Variants in MANBA observed in about 807,000 individuals in gnomAD.
The protein encoded by MANBA is mannosidase beta.
Under a neutral mutation model 111.1 loss-of-function variants are expected in MANBA, and 83 were observed. That is an observed-to-expected ratio of 0.75 (90% CI 0.63 to 0.90). The LOEUF is 0.90. Among genes scored for constraint, MANBA ranks in the 40% least tolerant of loss-of-function variants. The pLI, the probability that MANBA is intolerant of heterozygous loss-of-function variation, is 0.00. For synonymous variants in MANBA, 370 were observed against 378.7 expected, an observed-to-expected ratio of 0.98 and a Z score of 0.27; for missense variants, 1,036 against 1,069.0, an observed-to-expected ratio of 0.97 and a Z score of 0.43.
At chr4:102,724,698 C>T (rs1722727284) in intron 2 of MANBA, among the ~76,000 whole-genome samples, 1 of 152,174 alleles carries the variant, frequency 6.6e-6, no homozygotes, top group Admixed American at 6.5e-5. Flanking sequence ...TTACAGGAAA[C>T]TATAACAGTG....
intron 13 of MANBA, among the ~76,000 whole-genome samples, chr4:102,643,381 A>G (rs1020368997): frequency 2.6e-5 from 4 of 152,166 alleles, no homozygotes; most frequent in African/African-American, 9.7e-5. Context: ...TTGCATGAAC[A>G]TATGCTTTCA....
At chr4:102,675,367 C>G (rs1379317416) in intron 7 of MANBA, among the ~76,000 whole-genome samples, 1 of 152,218 alleles carries the variant, frequency 6.6e-6, no homozygotes, top group African/African-American at 2.4e-5. Flanking sequence ...GTGTATTCCA[C>G]TGTGATGTAG....
chr4:102,704,552 C>T (rs1227105305), intron 5 of MANBA, among the ~76,000 whole-genome samples: 1 of 151,900 alleles, frequency 6.6e-6, no homozygotes, highest in Non-Finnish European at 1.5e-5. Flanking sequence ...TTATATGTAC[C>T]TTTTTTTATT....
At chr4:102,652,543 T>G (rs1730380692) in intron 12 of MANBA, among the ~76,000 whole-genome samples, 2 of 152,180 alleles carry the variant, frequency 1.3e-5, no homozygotes. Context: ...AAAGTTCTAA[T>G]TACTTTAAGA....
chr4:102,751,374 C>A, intron 1 of MANBA: 1 of 390,606 alleles, frequency 2.6e-6, no homozygotes, highest in Non-Finnish European at 5.1e-6. Flanking sequence ...CTCTACTAAC[C>A]CAAAAGTCTT....
At chr4:102,747,352 A>C (rs1337443325) in intron 1 of MANBA, among the ~76,000 whole-genome samples, 2 of 152,116 alleles carry the variant, frequency 1.3e-5, no homozygotes, top group Non-Finnish European at 2.9e-5. Flanking sequence ...AGGATAAGCC[A>C]CTATAGTCTT....
chr4:102,681,803 T>C (rs1731989686), intron 7 of MANBA, among the ~76,000 whole-genome samples: 1 of 152,168 alleles, frequency 6.6e-6, no homozygotes, highest in Non-Finnish European at 1.5e-5. Flanking sequence ...GCTTTCAAAA[T>C]GACTGTATGA....
chr4:102,676,881 G>A (rs1731751455), intron 7 of MANBA, among the ~76,000 whole-genome samples: 1 of 152,054 alleles, frequency 6.6e-6, no homozygotes, highest in Admixed American at 6.6e-5. Flanking sequence ...ACTGCTAGTA[G>A]TCATTACATC....
chr4:102,664,706 G>A lies in MANBA; in HGVS notation c.1464C>T (p.Asn488=). Residue 488 remains asparagine, a synonymous_variant, in exon 11 of 17, where the codon AAC becomes AAT. Transcript: ENST00000647097. ...IKDYVTLYVK[N]IRELVLAGDK... is the part of the protein sequence containing the mutation. ...TTACTGCCAGTACGAGCTCTCTGAT[G>A]TTTTTCACATAGAGTGTCACATAGT... 6.2e-7 allele frequency: 1 copy of A among 1,613,080 alleles called. No homozygotes were observed. Among genetic ancestry groups the A allele is most frequent in the South Asian group, 1.1e-5 (1 of 91,066 alleles).
intron 2 of MANBA, among the ~76,000 whole-genome samples, chr4:102,724,171 A>C (rs1352644212): frequency 6.6e-6 from 1 of 152,226 alleles, no homozygotes; most frequent in Non-Finnish European, 1.5e-5. Flanking sequence ...TTTCTCTATA[A>C]TGTATCAATA....
chr4:102,645,792 T>A (rs1251275295), intron 13 of MANBA, among the ~76,000 whole-genome samples: 1 of 152,078 alleles, frequency 6.6e-6, no homozygotes, highest in African/African-American at 2.4e-5. Context: ...TAACTAAAGG[T>A]TTGTCAATTT....
chr4:102,650,784 G>A (rs1730300593), intron 12 of MANBA, 83 bp from the exon 13 acceptor site: 1 of 1,119,506 alleles, frequency 8.9e-7, no homozygotes, highest in African/African-American at 1.5e-5. Context: ...AACCTGGAAA[G>A]TATCCTAAAC....
At chr4:102,728,781 G>A (rs1464640397) in intron 1 of MANBA, 5 of 950,674 alleles carry the variant, frequency 5.3e-6, no homozygotes, top group Admixed American at 2.0e-5. Context: ...TAGGACACCA[G>A]CCTCCCATCA....
chr4:102,752,860 T>C (rs1331849157), intron 1 of MANBA, among the ~76,000 whole-genome samples: 1 of 152,242 alleles, frequency 6.6e-6, no homozygotes, highest in Non-Finnish European at 1.5e-5. Context: ...AGCTTGTTAA[T>C]CACATGTATA....
chr4:102,677,252 C>A (rs1308271751), intron 7 of MANBA, among the ~76,000 whole-genome samples: 2 of 152,136 alleles, frequency 1.3e-5, no homozygotes, highest in African/African-American at 4.8e-5. Flanking sequence ...TCAAGAAAAA[C>A]AACTAGCAGT....
chr4:102,635,985 C>A lies in MANBA; in HGVS notation c.2037G>T (p.Met679Ile). The change falls in exon 15 of 17, where the codon ATG (methionine) becomes ATT (isoleucine). Residue 679 changes from methionine to isoleucine, a missense_variant. By Grantham distance (10) the Met-to-Ile change is conservative. Coordinates refer to ENST00000647097, the MANE Select transcript of MANBA (RefSeq NM_005908.4). ...ASLEYGGKWK[M>I]LHYFAQNFFA... Reference sequence around the variant, plus strand: ...AGAAATTCTGAGCAAAGTAATGAAGCATTTTCCACTTTCCTCCGTACTCTG... The same window carrying A: ...AGAAATTCTGAGCAAAGTAATGAAGAATTTTCCACTTTCCTCCGTACTCTG... 2.5e-6 allele frequency: 4 copies of A among 1,613,864 alleles called. No homozygotes were observed. Among genetic ancestry groups the A allele is most frequent in the Non-Finnish European group, 3.4e-6 (4 of 1,179,750 alleles).
chr4:102,731,664 A>T (rs1723038336), intron 1 of MANBA, among the ~76,000 whole-genome samples: 1 of 152,114 alleles, frequency 6.6e-6, no homozygotes, highest in South Asian at 2.1e-4. Flanking sequence ...TTTCCTTTGC[A>T]ATTTACATAT....
At chr4:102,713,102 T>A (rs374776305) in intron 5 of MANBA, among the ~76,000 whole-genome samples, 2 of 152,212 alleles carry the variant, frequency 1.3e-5, no homozygotes. Context: ...TAAGCATCTA[T>A]CATTTGCTTT....
At chr4:102,664,563 C>G in intron 11 of MANBA, 122 bp downstream of exon 11, 3 of 845,394 alleles carry the variant, frequency 3.5e-6, no homozygotes, top group Non-Finnish European at 6.0e-6. Context: ...TGGTCTCGAT[C>G]TCCTGACCTT....
Sources: allele counts gnomAD v4.1 joint callset (sites outside exome capture counted in the v4.1 genomes callset), GRCh38; gene constraint gnomAD v4.1.1; transcripts MANE v1.5; gene names NCBI Gene and HGNC (gene_info 2026-07-23, HGNC 2026-07-21).